NHLRC1: variants seen among roughly 807,000 people sequenced by gnomAD.
The protein encoded by NHLRC1 is E3 ubiquitin-protein ligase NHLRC1.
NHLRC1 carries 10 observed loss-of-function variants against 14.6 expected under a neutral mutation model. That is an observed-to-expected ratio of 0.69 (90% CI 0.42 to 1.17). The LOEUF (loss-of-function observed/expected upper bound fraction) is 1.17, where lower values mean the gene tolerates loss of function less well. Ranked by LOEUF, NHLRC1 falls within the 50% of genes most tolerant of loss-of-function variation. NHLRC1 has a pLI of 0.00. For missense variants in NHLRC1, 526 were observed against 522.9 expected, an observed-to-expected ratio of 1.01 and a Z score of -0.06; for synonymous variants, 231 against 224.0, an observed-to-expected ratio of 1.03 and a Z score of -0.28.
chr6:18,121,935 G>T lies in NHLRC1; in HGVS notation c.672C>A (p.Thr224=). The T allele has an allele frequency of 6.2e-7, 1 of 1,614,188 alleles. No homozygotes were observed. Among genetic ancestry groups the T allele is most frequent in the Non-Finnish European group, 8.5e-7 (1 of 1,180,034 alleles). ...CAGTTACCACAATCCCATTCTGAGG[G>T]GTGGTCTCCACACCCCAAGGTAAGG... is the stretch of plus-strand genomic sequence containing the variant. ...QFSLPWGVET[T]PQNGIVVTDA... Residue 224 remains threonine, a synonymous_variant, in exon 1 of 1, where the codon ACC becomes ACA. Coordinates refer to ENST00000340650, the MANE Select transcript of NHLRC1 (RefSeq NM_198586.3). The surrounding 1 kb of genome is among the most constrained non-coding windows in gnomAD (Gnocchi z 4.7).
At position 18,121,449 on chromosome 6, in the gene NHLRC1, A is replaced by G. The variant is rs1217836264; in HGVS notation, c.1158T>C (p.Ser386=). ...SLLVLDTASH[S]IKVYKVDWG ...CCCAGTCAACTTTATAGACTTTTAT[A>G]GAATGAGATGCTGTGTCCAGCACAA... The change falls in exon 1 of 1, where the codon TCT becomes TCC. Residue 386 remains serine (S), a synonymous_variant. Transcript: ENST00000340650. The surrounding 1 kb of genome is among the most constrained non-coding windows in gnomAD (Gnocchi z 4.7). The G allele has an allele frequency of 2.5e-6, 4 of 1,614,128 alleles. No homozygotes were observed. In the African/African-American group the frequency reaches 4.0e-5, roughly 16 times the overall value.
At position 18,122,342 on chromosome 6, in the gene NHLRC1, G is replaced by A. The variant is rs767291745; in HGVS notation, c.265C>T (p.Leu89Phe). ...AGCGCTGAGCCCAGGAGCTCTATGA[G>A]GTGCAGCACCGGCAGGCAGTCGCTG... ...DTSDCLPVLH[L>F]IELLGSALRQ... The change falls in exon 1 of 1, where the codon CTC becomes TTC. Residue 89 changes from leucine (L) to phenylalanine (F), a missense_variant. Physicochemically the swap from Leu to Phe is conservative, Grantham distance 22 (BLOSUM62 0). Transcript: ENST00000340650. The A allele has an allele frequency of 6.3e-7, 1 of 1,576,424 alleles. No homozygotes were observed. Among genetic ancestry groups the A allele is most frequent in the South Asian group, 1.1e-5 (1 of 89,406 alleles).
chr6:18,122,465 G>A lies in NHLRC1; in HGVS notation c.142C>T (p.His48Tyr), dbSNP rs766421414. ...GCCACGCAGGCCAGGCAGACCACGT[G>A]GCCGCAGGACAGGTTGCGCGGGCGC... ...QRRPRNLSCG[H>Y]VVCLACVAAL... The change falls in exon 1 of 1, where the codon CAC becomes TAC. Residue 48 changes from histidine to tyrosine, a missense_variant. By Grantham distance (83) the His-to-Tyr change is moderately conservative (BLOSUM62 2). Coordinates refer to ENST00000340650, the MANE Select transcript of NHLRC1 (RefSeq NM_198586.3). The A allele has an allele frequency of 3.1e-6, 5 of 1,596,026 alleles. No homozygotes were observed. The African/African-American group carries it at 5.3e-5, about 17-fold the overall frequency.
rs754279385 is a variant in NHLRC1, at chr6:18,122,247, G to A, written c.360C>T (p.Phe120=). ...APGALTCHHT[F]GGWGTLVNPT... ...GGTTGACCAGGGTCCCCCAGCCGCC[G>A]AAGGTGTGGTGGCAGGTGAGGGCTC... The change falls in exon 1 of 1, where the codon TTC becomes TTT. Residue 120 remains phenylalanine (F), a synonymous_variant. Coordinates refer to ENST00000340650, the MANE Select transcript of NHLRC1 (RefSeq NM_198586.3). 4 of 1,609,346 alleles carry A rather than the reference G, an allele frequency of 2.5e-6. No homozygotes were observed. The highest frequency in any genetic ancestry group is 3.4e-6 in the Non-Finnish European group (4 of 1,179,876).
rs143537405 is a variant in NHLRC1, at chr6:18,122,185, A to G, written c.422T>C (p.Val141Ala). 368 of 1,613,006 alleles carry G rather than the reference A, an allele frequency of 2.3e-4. No homozygotes were observed. In the African/African-American group the frequency reaches 4.4e-3, roughly 19 times the overall value. The change falls in exon 1 of 1, where the codon GTC becomes GCC. Residue 141 changes from valine (V) to alanine (A), a missense_variant. By Grantham distance (64) the Val-to-Ala change is moderately conservative. Transcript: ENST00000340650. ...GLALCPKTGRVVVVHDGRRRV... is the reference protein window; with the variant it reads ...GLALCPKTGRAVVVHDGRRRV... ...CCTCCTGCCGTCGTGCACCACCACGACACGCCCCGTCTTGGGACAAAGCGC... is the reference window on the plus strand; with the variant it reads ...CCTCCTGCCGTCGTGCACCACCACGGCACGCCCCGTCTTGGGACAAAGCGC...
rs769301934 is a variant in NHLRC1, at chr6:18,122,171, C to T, written c.436G>A (p.Asp146Asn). Residue 146 changes from aspartate to asparagine, a missense_variant, in exon 1 of 1, where the codon GAC (aspartate) becomes AAC (asparagine). Transcript: ENST00000340650. The part of the protein sequence containing the change: ...PKTGRVVVVH[D>N]GRRRVKIFDS... The stretch of plus-strand genomic sequence containing the variant: ...AAAATCTTGACACGCCTCCTGCCGT[C>T]GTGCACCACCACGACACGCCCCGTC... 77 of 1,613,406 alleles carry T rather than the reference C, an allele frequency of 4.8e-5. No homozygotes were observed. The highest frequency in any genetic ancestry group is 1.6e-4 in the Middle Eastern group (1 of 6,084).
At position 18,120,758 on chromosome 6, in the gene NHLRC1, C is replaced by T. The variant is rs1226638280; in HGVS notation, c.*661G>A. ...CCACATCTGTTGTCTTATTTAAGCG[C>T]AACTTATTTGGAATCAGAATTGAAT... On this transcript the variant is annotated 3_prime_UTR_variant, in exon 1 of 1. Coordinates refer to ENST00000340650, the MANE Select transcript of NHLRC1 (RefSeq NM_198586.3). 1.3e-5 allele frequency: 2 copies of T among 152,978 alleles called. No homozygotes were observed. The highest frequency in any genetic ancestry group is 2.9e-5 in the Non-Finnish European group (2 of 68,638). The allele number at this position is 152,978 out of a possible 1,614,324, so 9.5% of individuals were successfully genotyped here.
rs750530014 is a variant in NHLRC1 at position 18,122,351 on chromosome 6, C to T, written c.256G>A (p.Val86Met). 6 of 1,573,944 alleles carry T rather than the reference C, an allele frequency of 3.8e-6. No individual in the cohort carries two copies. In the South Asian group the frequency reaches 6.7e-5, roughly 18 times the overall value. ...CCCAGGAGCTCTATGAGGTGCAGCA[C>T]CGGCAGGCAGTCGCTGGTGTCGCAG... Reference protein sequence around the residue: ...RGCDTSDCLPVLHLIELLGSA... With the variant: ...RGCDTSDCLPMLHLIELLGSA... Residue 86 changes from valine (V) to methionine (M), a missense_variant, in exon 1 of 1, where the codon GTG becomes ATG. Coordinates refer to ENST00000340650, the MANE Select transcript of NHLRC1 (RefSeq NM_198586.3).
chr6:18,121,731 G>A lies in NHLRC1; in HGVS notation c.876C>T (p.Thr292=). Residue 292 remains threonine, a synonymous_variant, in exon 1 of 1, where the codon ACC becomes ACT. Coordinates refer to ENST00000340650, the MANE Select transcript of NHLRC1 (RefSeq NM_198586.3). The surrounding 1 kb of genome is among the most constrained non-coding windows in gnomAD (Gnocchi z 4.7). Reference sequence around the variant, plus strand: ...TACTTGAGCTAAACACTTTCACCCTGGTGCTGCAAACCCCAGTCCCCAGGG... The same window carrying A: ...TACTTGAGCTAAACACTTTCACCCTAGTGCTGCAAACCCCAGTCCCCAGGG... ...PLALGTGVCS[T]RVKVFSSSMQ... The A allele has an allele frequency of 1.2e-6, 2 of 1,614,062 alleles. No homozygotes were observed. The highest frequency in any genetic ancestry group is 1.7e-6 in the Non-Finnish European group (2 of 1,180,026).
rs149060790 is a variant in NHLRC1, at chr6:18,121,242, G to T, written c.*177C>A. 4.6e-4 allele frequency: 289 copies of T among 627,394 alleles called. No individual in the cohort carries two copies. The African/African-American group carries it at 4.7e-3, about 10-fold the overall frequency. The allele number at this position is 627,394 out of a possible 1,614,324, so 38.9% of individuals were successfully genotyped here. A position where few individuals can be genotyped will look rare whatever the true frequency, so the allele number is the denominator to read the frequency against. On this transcript the variant is annotated 3_prime_UTR_variant, in exon 1 of 1. Coordinates refer to ENST00000340650, the MANE Select transcript of NHLRC1 (RefSeq NM_198586.3). This position sits in a 1 kb window ranked among gnomAD's most constrained non-coding sequence, Gnocchi z 4.7. ...ATATTTGCAAATTTCCTTGCACAGAGTATGCATTCAATAAATGGTAGATTA... is the reference window on the plus strand; with the variant it reads ...ATATTTGCAAATTTCCTTGCACAGATTATGCATTCAATAAATGGTAGATTA...
Position 18,122,056 on chromosome 6 carries a change from T to C in NHLRC1, c.551A>G (p.Asn184Ser), listed in dbSNP as rs138667242. 92 of 1,614,180 alleles carry C rather than the reference T, an allele frequency of 5.7e-5. No individual in the cohort carries two copies. In the African/African-American group the frequency reaches 1.1e-3, roughly 20 times the overall value. Reference sequence around the variant, plus strand: ...GTCAGTGACAACCACATGGCAGTCGTTGGTGATGGTGACATCCACAGGGTA... The same window carrying C: ...GTCAGTGACAACCACATGGCAGTCGCTGGTGATGGTGACATCCACAGGGTA... ...IRYPVDVTIT[N>S]DCHVVVTDAG... Residue 184 changes from asparagine to serine, a missense_variant, in exon 1 of 1, where the codon AAC becomes AGC. Physicochemically the swap from Asn to Ser is conservative, Grantham distance 46. Coordinates refer to ENST00000340650, the MANE Select transcript of NHLRC1 (RefSeq NM_198586.3).
rs771702699 is a variant in NHLRC1, at chr6:18,121,487, C to T, written c.1120G>A (p.Glu374Lys). The change falls in exon 1 of 1, where the codon GAG becomes AAG. Residue 374 changes from glutamate (E) to lysine (K), a missense_variant. Glu to Lys is a moderately conservative substitution (Grantham distance 56, BLOSUM62 1). Coordinates refer to ENST00000340650, the MANE Select transcript of NHLRC1 (RefSeq NM_198586.3). The surrounding 1 kb of genome is among the most constrained non-coding windows in gnomAD (Gnocchi z 4.7). Reference protein sequence around the residue: ...SHPVALTFTKENSLLVLDTAS... With the variant: ...SHPVALTFTKKNSLLVLDTAS... The stretch of plus-strand genomic sequence containing the variant: ...GTGTCCAGCACAAGAAGAGAATTCT[C>T]CTTGGTGAAGGTAAGAGCCACAGGA... The T allele has an allele frequency of 6.2e-7, 1 of 1,614,174 alleles. No homozygotes were observed.
chr6:18,121,908 A>G lies in NHLRC1; in HGVS notation c.699T>C (p.Asp233=). 3 of 1,614,192 alleles carry G rather than the reference A, an allele frequency of 1.9e-6. No individual in the cohort carries two copies. Among genetic ancestry groups the G allele is most frequent in the South Asian group, 2.2e-5 (2 of 91,086 alleles). ...TTPQNGIVVT[D]AEAGSLHLLD... ...GGAGGTGCAGGGACCCTGCCTCCGC[A>G]TCAGTTACCACAATCCCATTCTGAG... Residue 233 remains aspartate, a synonymous_variant, in exon 1 of 1, where the codon GAT becomes GAC. Transcript: ENST00000340650. The surrounding 1 kb of genome is among the most constrained non-coding windows in gnomAD (Gnocchi z 4.7).
Position 18,122,153 on chromosome 6 carries a change from T to C in NHLRC1, c.454A>G (p.Lys152Glu). Residue 152 changes from lysine (K) to glutamate (E), a missense_variant, in exon 1 of 1, where the codon AAG becomes GAG. By Grantham distance (56) the Lys-to-Glu change is moderately conservative. Coordinates refer to ENST00000340650, the MANE Select transcript of NHLRC1 (RefSeq NM_198586.3). Reference protein sequence around the residue: ...VVVHDGRRRVKIFDSGGGCAH... With the variant: ...VVVHDGRRRVEIFDSGGGCAH... ...CATCCTCCCCCTGAGTCAAAAATCT[T>C]GACACGCCTCCTGCCGTCGTGCACC... is the stretch of plus-strand genomic sequence containing the variant. 1 of 1,613,860 alleles carries C rather than the reference T, an allele frequency of 6.2e-7. No homozygotes were observed. The highest frequency in any genetic ancestry group is 1.1e-5 in the South Asian group (1 of 91,090).
chr6:18,122,525 C>T lies in NHLRC1; in HGVS notation c.82G>A (p.Val28Met), dbSNP rs779596932. The T allele has an allele frequency of 1.3e-6, 2 of 1,597,614 alleles. No individual in the cohort carries two copies. The highest frequency in any genetic ancestry group is 1.7e-6 in the Non-Finnish European group (2 of 1,179,620). ...CGGTGGCCAAACTTCTCAAAGCACA[C>T]CTTGCACTCGAGCAGGCTGATCTCC... ...EAEISLLECK[V>M]CFEKFGHRQQ... is the part of the protein sequence containing the mutation. Residue 28 changes from valine to methionine, a missense_variant, in exon 1 of 1, where the codon GTG (valine) becomes ATG (methionine). Physicochemically the swap from Val to Met is conservative, Grantham distance 21. Coordinates refer to ENST00000340650, the MANE Select transcript of NHLRC1 (RefSeq NM_198586.3).
chr6:18,120,929 G>A lies in NHLRC1; in HGVS notation c.*490C>T. ...GCTATGCCTGTACTCCTAGTACTTT[G>A]GGAGGCCGAGGAAGGTGGATTGCTT... On this transcript the variant is annotated 3_prime_UTR_variant, in exon 1 of 1. Coordinates refer to ENST00000340650, the MANE Select transcript of NHLRC1 (RefSeq NM_198586.3). The A allele has an allele frequency of 5.4e-6, 1 of 183,762 alleles. No individual in the cohort carries two copies. The highest frequency in any genetic ancestry group is 1.1e-4 in the South Asian group (1 of 8,772). The allele number at this position is 183,762 out of a possible 1,614,324, so 11.4% of individuals were successfully genotyped here.
rs1244886517 is a variant in NHLRC1 at position 18,121,853 on chromosome 6, G to A, written c.754C>T (p.Arg252Trp). The A allele has an allele frequency of 6.2e-7, 1 of 1,614,054 alleles. No individual in the cohort carries two copies. Among genetic ancestry groups the A allele is most frequent in the Non-Finnish European group, 8.5e-7 (1 of 1,180,022 alleles). The change falls in exon 1 of 1, where the codon CGG becomes TGG. Residue 252 changes from arginine (R) to tryptophan (W), a missense_variant. Physicochemically the swap from Arg to Trp is moderately radical, Grantham distance 101. Transcript: ENST00000340650. The surrounding 1 kb of genome is among the most constrained non-coding windows in gnomAD (Gnocchi z 4.7). ...TGAGCTTGCAACCTTTCAGTTCTCCGAAGGACCCCTTCCGCGAAGTCGACG... is the reference window on the plus strand; with the variant it reads ...TGAGCTTGCAACCTTTCAGTTCTCCAAAGGACCCCTTCCGCGAAGTCGACG... Reference protein sequence around the residue: ...LDVDFAEGVLRRTERLQAHLC... With the variant: ...LDVDFAEGVLWRTERLQAHLC...
chr6:18,120,992 G>A lies in NHLRC1; in HGVS notation c.*427C>T, dbSNP rs1033717449. ...TTGAGACCAGCCTGGGCAACATGGT[G>A]AAACCCCATCTCTGCCAAAATACAA... On this transcript the variant is annotated 3_prime_UTR_variant, in exon 1 of 1. Transcript: ENST00000340650. The A allele has an allele frequency of 3.6e-5, 8 of 222,684 alleles. No homozygotes were observed. Among genetic ancestry groups the A allele is most frequent in the Admixed American group, 1.0e-4 (2 of 19,100 alleles). The allele number at this position is 222,684 out of a possible 1,614,324, so 13.8% of individuals were successfully genotyped here.
Position 18,122,370 on chromosome 6 carries a change from G to A in NHLRC1, c.237C>T (p.Asp79=). 6.4e-7 allele frequency: 1 copy of A among 1,573,786 alleles called. No individual in the cohort carries two copies. Among genetic ancestry groups the A allele is most frequent in the African/African-American group, 1.3e-5 (1 of 74,718 alleles). The change falls in exon 1 of 1, where the codon GAC becomes GAT. Residue 79 remains aspartate (D), a synonymous_variant. Coordinates refer to ENST00000340650, the MANE Select transcript of NHLRC1 (RefSeq NM_198586.3). ...PFCRRACRGC[D]TSDCLPVLHL... ...GCAGCACCGGCAGGCAGTCGCTGGT[G>A]TCGCAGCCCCGGCAAGCTCGCCTGC...
Sources: gnomAD v4.1 joint callset for allele counts on GRCh38, gnomAD v4.1.1 for gene constraint, Gnocchi (gnomAD v3.1) non-coding constraint, MANE v1.5 for transcripts, NCBI Gene and HGNC (gene_info 2026-07-23, HGNC 2026-07-21) for gene names.